The following SEMA6A variants were observed in gnomAD, a reference collection of about 807,000 sequenced individuals.
SEMA6A encodes semaphorin-6A.
Under a neutral mutation model 96.8 loss-of-function variants are expected in SEMA6A, and 25 were observed. The observed-to-expected ratio is 0.26, with a 90% CI of 0.19 to 0.36. SEMA6A has a LOEUF of 0.36. Among genes scored for constraint, SEMA6A ranks in the 10% least tolerant of loss-of-function variants. The probability of loss-of-function intolerance (pLI) is 1.00; values close to 1 mark genes in which losing one functional copy is unlikely to be tolerated. For synonymous variants in SEMA6A, 612 were observed against 518.0 expected (o/e 1.18, Z -2.46); for missense variants, 1,363 against 1,323.1 (o/e 1.03, Z -0.47).
chr5:116,556,003 C>G (rs2112893876), intron 1 of SEMA6A, among the ~76,000 whole-genome samples: 1 of 152,176 alleles, frequency 6.6e-6, no homozygotes, highest in African/African-American at 2.4e-5. Context: ...ATATTATGAC[C>G]TCGGAGTTTC....
intron 15 of SEMA6A, 132 bp from the exon 16 acceptor site, chr5:116,475,735 T>TA (rs963413262): frequency 3.5e-6 from 2 of 572,310 alleles, no homozygotes; most frequent in African/African-American, 3.8e-5. Flanking sequence ...AAGAAATACA[T>TA]AACAGCTTTA....
Position 116,478,000 on chromosome 5 carries a change from G to A in SEMA6A, c.1568+14C>T. On this transcript the variant is annotated intron_variant, in intron 14 of 18. Transcript: ENST00000343348. Reference sequence around the variant, plus strand: ...CCATGGACTTTCTAATTGTCAATGAGGCAAAATACATACTTTTTACACTTC... The same window carrying A: ...CCATGGACTTTCTAATTGTCAATGAAGCAAAATACATACTTTTTACACTTC... 1 of 1,613,928 alleles carries A rather than the reference G, an allele frequency of 6.2e-7. No individual in the cohort carries two copies. Among genetic ancestry groups the A allele is most frequent in the Non-Finnish European group, 8.5e-7 (1 of 1,179,840 alleles).
At chr5:116,504,106 T>C (rs1292977255) in intron 2 of SEMA6A, among the ~76,000 whole-genome samples, 4 of 152,166 alleles carry the variant, frequency 2.6e-5, no homozygotes, top group Admixed American at 6.5e-5. Flanking sequence ...TTTGTATGGC[T>C]CACTCAGTGT....
rs552135763 is a variant in SEMA6A, at chr5:116,481,738, C to G, written c.1094+706G>C. Among the ~76,000 whole-genome samples, 4 of 152,204 alleles carry G rather than the reference C, an allele frequency of 2.6e-5. No homozygotes were observed. The East Asian group carries it at 7.7e-4, about 29-fold the overall frequency. On this transcript the variant is annotated intron_variant, in intron 11 of 18. Coordinates refer to ENST00000343348, the MANE Select transcript of SEMA6A (RefSeq NM_020796.5). Reference sequence around the variant, plus strand: ...GAAGAGAGGCACGCAAAGGGCTTAGCGGGGACTTCCCTCCTGTCCCAGTTA... The same window carrying G: ...GAAGAGAGGCACGCAAAGGGCTTAGGGGGGACTTCCCTCCTGTCCCAGTTA...
intron 18 of SEMA6A, among the ~76,000 whole-genome samples, chr5:116,455,829 G>T (rs184245829): frequency 1.1e-3 from 163 of 152,266 alleles, no homozygotes; most frequent in African/African-American, 3.7e-3. Context: ...TTGCGTGTTG[G>T]CTCTACAAAT....
chr5:116,478,186 TAG>T, intron 13 of SEMA6A, 32 bp from the exon 14 acceptor site: 1 of 1,608,494 alleles, frequency 6.2e-7, no homozygotes. Context: ...ATATCATTAA[TAG>T]ACTCTTCTCT....
chr5:116,477,750 CT>C, intron 15 of SEMA6A, 95 bp downstream of exon 15: 2 of 1,221,214 alleles, frequency 1.6e-6, no homozygotes, highest in Non-Finnish European at 2.4e-6. Context: ...GCACAGAAAG[CT>C]GTGTGGTGGT....
Position 116,447,526 on chromosome 5 carries a change from A to G in SEMA6A, c.2180T>C (p.Met727Thr). 1 of 1,614,078 alleles carries G rather than the reference A, an allele frequency of 6.2e-7. No homozygotes were observed. The highest frequency in any genetic ancestry group is 8.5e-7 in the Non-Finnish European group (1 of 1,179,910). ...GGGAGTGGCGAGCTTGCCGTTGTGCATGAGTGGCGTGAGGATGGCCTCCGG... is the reference window on the plus strand; with the variant it reads ...GGGAGTGGCGAGCTTGCCGTTGTGCGTGAGTGGCGTGAGGATGGCCTCCGG... ...PKPEAILTPL[M>T]HNGKLATPGN... Residue 727 changes from methionine to threonine, a missense_variant, in exon 19 of 19, where the codon ATG becomes ACG. By Grantham distance (81) the Met-to-Thr change is moderately conservative. This residue lies in a region of SEMA6A where 883 missense variants were observed against 763.6 expected (regional missense o/e 1.16). Coordinates refer to ENST00000343348, the MANE Select transcript of SEMA6A (RefSeq NM_020796.5).
rs529663325 is a variant in SEMA6A at position 116,553,328 on chromosome 5, A to AG, written c.-39+20856dup. ...CTGAACTCCAGGTTCAGTCCCTCAAAGGGATTAAATCTTAAACACACCATC... is the reference window on the plus strand; with the variant it reads ...CTGAACTCCAGGTTCAGTCCCTCAAAGGGGATTAAATCTTAAACACACCATC... On this transcript the variant is annotated intron_variant, in intron 1 of 18. Coordinates refer to ENST00000343348, the MANE Select transcript of SEMA6A (RefSeq NM_020796.5). Among the ~76,000 whole-genome samples, 548 of 152,274 alleles carry AG rather than the reference A, an allele frequency of 3.6e-3. 4 individuals are homozygous for AG. Among genetic ancestry groups the AG allele is most frequent in the Non-Finnish European group, 4.1e-3 (280 of 68,024 alleles).
chr5:116,488,060 G>C (rs755641705), intron 9 of SEMA6A, 48 bp downstream of exon 9: 62 of 1,236,794 alleles, frequency 5.0e-5, no homozygotes, highest in Non-Finnish European at 6.9e-5. Context: ...AAAGGTGTGG[G>C]TTTCTGAAAA....
intron 1 of SEMA6A, among the ~76,000 whole-genome samples, chr5:116,520,016 TAAC>T (rs1758861295): frequency 6.6e-6 from 1 of 152,066 alleles, no homozygotes; most frequent in Non-Finnish European, 1.5e-5. Flanking sequence ...CTTAATGTAT[TAAC>T]AACAAAATTA....
rs185504747 is a variant in SEMA6A, at chr5:116,447,034, G to T, written c.2672C>A (p.Pro891Gln). 33 of 1,613,868 alleles carry T rather than the reference G, an allele frequency of 2.0e-5. No homozygotes were observed. In the East Asian group the frequency reaches 5.6e-4, roughly 27 times the overall value. The change falls in exon 19 of 19, where the codon CCG (proline) becomes CAG (glutamine). Residue 891 changes from proline (P) to glutamine (Q), a missense_variant. Physicochemically the swap from Pro to Gln is moderately conservative, Grantham distance 76 (BLOSUM62 -1). Transcript: ENST00000343348. Reference protein sequence around the residue: ...VPQREASLGPPGASLSQTGLS... With the variant: ...VPQREASLGPQGASLSQTGLS... ...ACCGGTCTGAGACAGGGAGGCTCCC[G>T]GGGGACCCAGGGAGGCCTCCCGCTG...
chr5:116,536,653 G>C (rs1759724772), intron 1 of SEMA6A, among the ~76,000 whole-genome samples: 1 of 152,130 alleles, frequency 6.6e-6, no homozygotes, highest in Non-Finnish European at 1.5e-5. Context: ...ATGCTTATCA[G>C]GGTCTGACCA....
rs542267989 is a variant in SEMA6A, at chr5:116,496,568, AAAG to A, written c.280-258_280-256del. Among the ~76,000 whole-genome samples the A allele has an allele frequency of 9.9e-4, 151 of 152,356 alleles. 1 individual carries two copies. The South Asian group carries it at 0.03, about 31-fold the overall frequency. ...TTGAGATAAAGATGAAGGAGAAAAG[AAAG>A]AAGAATAAACAAGAGTGTGGAAATT... is the stretch of plus-strand genomic sequence containing the variant. On this transcript the variant is annotated intron_variant, in intron 4 of 18. Coordinates refer to ENST00000343348, the MANE Select transcript of SEMA6A (RefSeq NM_020796.5).
chr5:116,550,514 A>C (rs1760361291), intron 1 of SEMA6A: 1 of 151,788 alleles, frequency 6.6e-6, no homozygotes, highest in Non-Finnish European at 1.5e-5. Flanking sequence ...ATGAGAAGGC[A>C]AAAGAGATGC....
chr5:116,447,537 G>C lies in SEMA6A; in HGVS notation c.2169C>G (p.Leu723=). 1 of 1,614,082 alleles carries C rather than the reference G, an allele frequency of 6.2e-7. No homozygotes were observed. The highest frequency in any genetic ancestry group is 8.5e-7 in the Non-Finnish European group (1 of 1,179,910). Residue 723 remains leucine (L), a synonymous_variant, in exon 19 of 19, where the codon CTC becomes CTG. Transcript: ENST00000343348. ...QSKDPKPEAI[L]TPLMHNGKLA... ...GCTTGCCGTTGTGCATGAGTGGCGT[G>C]AGGATGGCCTCCGGCTTTGGGTCTT...
At position 116,477,902 on chromosome 5, in the gene SEMA6A, T is replaced by C; in HGVS notation, c.1593A>G (p.Pro531=). The C allele has an allele frequency of 6.2e-7, 1 of 1,613,978 alleles. No individual in the cohort carries two copies. Among genetic ancestry groups the C allele is most frequent in the Non-Finnish European group, 8.5e-7 (1 of 1,179,858 alleles). Reference sequence around the variant, plus strand: ...CACCTTCCTTTATCCATCCACAATATGGGTCTCTGGAGGCAATACAGGTTC... The same window carrying C: ...CACCTTCCTTTATCCATCCACAATACGGGTCTCTGGAGGCAATACAGGTTC... ...CKKTCIASRD[P]YCGWIKEGGA... is the part of the protein sequence containing the mutation. Residue 531 remains proline (P), a synonymous_variant, in exon 15 of 19, where the codon CCA becomes CCG. Coordinates refer to ENST00000343348, the MANE Select transcript of SEMA6A (RefSeq NM_020796.5).
At chr5:116,504,149 T>G (rs183249883) in intron 2 of SEMA6A, among the ~76,000 whole-genome samples, 25 of 152,222 alleles carry the variant, frequency 1.6e-4, no homozygotes, top group African/African-American at 6.0e-4. Context: ...AAAAGAGATA[T>G]TTAGGAAAAA....
intron 3 of SEMA6A, among the ~76,000 whole-genome samples, chr5:116,500,591 T>C (rs1245942330): frequency 6.6e-6 from 1 of 152,162 alleles, no homozygotes; most frequent in Non-Finnish European, 1.5e-5. Flanking sequence ...GATGTTTTAG[T>C]CTAGCCCCTT....
Sources: allele counts gnomAD v4.1 joint callset (sites outside exome capture counted in the v4.1 genomes callset), GRCh38; gene constraint gnomAD v4.1.1; regional missense constraint gnomAD v4.1.1; transcripts MANE v1.5; gene names NCBI Gene and HGNC (gene_info 2026-07-23, HGNC 2026-07-21).